ZNF385D: variants seen among roughly 807,000 people sequenced by gnomAD.
The protein encoded by ZNF385D is zinc finger protein 385D, also known as zinc finger protein 659.
In ZNF385D, 15 loss-of-function variants were observed where a neutral mutation model predicts 35.8. That is an observed-to-expected ratio of 0.42 (90% CI 0.28 to 0.64). The LOEUF (loss-of-function observed/expected upper bound fraction) is 0.64. ZNF385D is among the 30% of genes least tolerant of loss of function. The pLI is 0.23. For synonymous variants in ZNF385D, 212 were observed against 186.8 expected, an observed-to-expected ratio of 1.13 and a Z score of -1.10; for missense variants, 474 against 494.6, an observed-to-expected ratio of 0.96 and a Z score of 0.39.
At chr3:21,492,936 T>C (rs1056245872) in intron 4 of ZNF385D, among the ~76,000 whole-genome samples, 1 of 152,034 alleles carries the variant, frequency 6.6e-6, no homozygotes. Flanking sequence ...AAGTTACCAA[T>C]GGGTTTCATA....
Position 21,492,510 on chromosome 3 carries a change from T to C in ZNF385D, c.439+18351A>G, listed in dbSNP as rs967949623. Among the ~76,000 whole-genome samples, 170 of 148,524 alleles carry C rather than the reference T, an allele frequency of 1.1e-3. 1 individual carries two copies. The highest frequency in any genetic ancestry group is 4.1e-3 in the African/African-American group (167 of 40,538). ...CTAAAAAAAAAAAAATGGCCGGGCA[T>C]GGTGGCTCAAACCTGTAATCCCAGC... On this transcript the variant is annotated intron_variant, in intron 4 of 7. Coordinates refer to ENST00000281523, the MANE Select transcript of ZNF385D (RefSeq NM_024697.3).
In ZNF385D at chr3:22,118,655, G is replaced by T. The variant is rs7650679; in HGVS notation, c.325+50162C>A. Among the ~76,000 whole-genome samples, 585 of 152,162 alleles carry T rather than the reference G, an allele frequency of 3.8e-3. 12 individuals carry two copies. Among genetic ancestry groups the T allele is most frequent in the African/African-American group, 0.014 (562 of 41,532 alleles). On this transcript the variant is annotated intron_variant, in intron 3 of 5. Coordinates refer to the ZNF385D transcript ENST00000494108. Reference sequence around the variant, plus strand: ...GAAATTCATTCATGTTGGTGTGGAAGAACAGCCTCTCGATGGTTAAGACAA... The same window carrying T: ...GAAATTCATTCATGTTGGTGTGGAATAACAGCCTCTCGATGGTTAAGACAA...
At chr3:21,685,038 G>A (rs191457461) in intron 1 of ZNF385D, among the ~76,000 whole-genome samples, 1 of 152,114 alleles carries the variant, frequency 6.6e-6, no homozygotes, top group Non-Finnish European at 1.5e-5. Flanking sequence ...AATCCAGTGG[G>A]TATTGGCAAA....
At chr3:22,263,732 G>C (rs1700751126) in intron 2 of ZNF385D, among the ~76,000 whole-genome samples, 1 of 151,758 alleles carries the variant, frequency 6.6e-6, no homozygotes, top group Admixed American at 6.6e-5. Flanking sequence ...TCTCAACCAG[G>C]GGCAGTTTTT....
chr3:21,645,355 TG>T (rs1344147427), intron 2 of ZNF385D, among the ~76,000 whole-genome samples: 1 of 152,148 alleles, frequency 6.6e-6, no homozygotes, highest in Non-Finnish European at 1.5e-5. Context: ...GGAAGATGCC[TG>T]GGAAGTCAGA....
chr3:21,596,108 G>C (rs1273480899), intron 2 of ZNF385D, among the ~76,000 whole-genome samples: 1 of 152,094 alleles, frequency 6.6e-6, no homozygotes, highest in Admixed American at 6.6e-5. Flanking sequence ...GAAATTCATA[G>C]AAACTCTTTG....
intron 7 of ZNF385D, among the ~76,000 whole-genome samples, chr3:21,422,587 T>C (rs1025589964): frequency 3.9e-5 from 6 of 151,984 alleles, no homozygotes; most frequent in Non-Finnish European, 8.8e-5. Flanking sequence ...GATGCAAAAC[T>C]CAACAAAATA....
intron 3 of ZNF385D, among the ~76,000 whole-genome samples, chr3:22,132,989 T>C (rs1023697124): frequency 6.6e-6 from 1 of 152,134 alleles, no homozygotes; most frequent in East Asian, 1.9e-4. Context: ...TGTTCTGTTT[T>C]AAAATGAAAG....
At chr3:21,979,040 G>A (rs1327797330) in intron 3 of ZNF385D, among the ~76,000 whole-genome samples, 2 of 152,084 alleles carry the variant, frequency 1.3e-5, no homozygotes, top group South Asian at 2.1e-4. Flanking sequence ...CCTGCTCAAT[G>A]GACAGGTGAC....
At chr3:21,621,539 TAAAA>T (rs780567350) in intron 2 of ZNF385D, among the ~76,000 whole-genome samples, 2 of 133,400 alleles carry the variant, frequency 1.5e-5, no homozygotes, top group South Asian at 4.9e-4. Context: ...TGTCATCAGT[TAAAA>T]AAAAAATTCC....
chr3:21,846,475 G>A (rs550883263), intron 3 of ZNF385D, among the ~76,000 whole-genome samples: 2 of 152,136 alleles, frequency 1.3e-5, no homozygotes, highest in African/African-American at 4.8e-5. Flanking sequence ...TGGAGTTCAA[G>A]CAGGTACCCA....
chr3:21,454,886 CAA>C (rs1469125926), intron 4 of ZNF385D, among the ~76,000 whole-genome samples: 1 of 152,174 alleles, frequency 6.6e-6, no homozygotes, highest in Admixed American at 6.5e-5. Flanking sequence ...GCAACTTCAG[CAA>C]AGTCTCAGGA....
At chr3:22,172,882 CCTCTTT>C (rs1207604787) in intron 2 of ZNF385D, among the ~76,000 whole-genome samples, 3 of 152,148 alleles carry the variant, frequency 2.0e-5, no homozygotes, top group African/African-American at 7.2e-5. Flanking sequence ...CACTCTTCTT[CCTCTTT>C]AAGTATAGGT....
chr3:21,521,557 G>A lies in ZNF385D; in HGVS notation c.277-10534C>T, dbSNP rs978429318. On this transcript the variant is annotated intron_variant, in intron 3 of 7. Transcript: ENST00000281523. ...CACTTGAAGCCAGGATTTTGAGACC[G>A]GCTTGGGCAACAAAGCAAAACCCCC... Among the ~76,000 whole-genome samples, 11 of 152,116 alleles carry A rather than the reference G, an allele frequency of 7.2e-5. No individual in the cohort carries two copies. The South Asian group carries it at 8.3e-4, about 11-fold the overall frequency.
intron 2 of ZNF385D, among the ~76,000 whole-genome samples, chr3:21,659,315 T>C (rs148034495): frequency 6.6e-6 from 1 of 152,274 alleles, no homozygotes; most frequent in East Asian, 1.9e-4. Context: ...AATTATTGAG[T>C]AGGACTCAAA....
intron 1 of ZNF385D, among the ~76,000 whole-genome samples, chr3:21,713,660 G>C (rs1438792403): frequency 6.6e-6 from 1 of 152,020 alleles, no homozygotes; most frequent in African/African-American, 2.4e-5. Context: ...ATAATTTTTA[G>C]TGATTTTGAT....
chr3:22,275,695 C>G (rs374965415), intron 2 of ZNF385D, among the ~76,000 whole-genome samples: 1 of 152,062 alleles, frequency 6.6e-6, no homozygotes, highest in Non-Finnish European at 1.5e-5. Context: ...GACAGAAAAG[C>G]CATATCCTTA....
intron 3 of ZNF385D, among the ~76,000 whole-genome samples, chr3:21,828,356 A>G (rs1235854445): frequency 6.6e-6 from 1 of 152,186 alleles, no homozygotes; most frequent in Non-Finnish European, 1.5e-5. Flanking sequence ...AATAAGTCAT[A>G]TTTTAAACAT....
intron 1 of ZNF385D, among the ~76,000 whole-genome samples, chr3:21,666,540 G>A (rs1199806431): frequency 6.6e-6 from 1 of 152,194 alleles, no homozygotes; most frequent in Non-Finnish European, 1.5e-5. Flanking sequence ...AAGGGCAGAT[G>A]TCAAAACAAG....
Sources: gnomAD v4.1 joint callset for allele counts (sites outside exome capture counted in the v4.1 genomes callset) on GRCh38, gnomAD v4.1.1 for gene constraint, MANE v1.5 for transcripts, NCBI Gene and HGNC (gene_info 2026-07-23, HGNC 2026-07-21) for gene names.